The following CSMD1 variants were observed in gnomAD, a reference collection of about 807,000 sequenced individuals.
CSMD1 encodes CUB and sushi domain-containing protein 1.
A neutral mutation model predicts 417.5 loss-of-function variants in CSMD1; 213 were observed. The observed-to-expected ratio is 0.51, with a 90% CI of 0.46 to 0.57. CSMD1 has a LOEUF of 0.57. CSMD1 is among the 20% of genes least tolerant of loss of function. CSMD1 has a pLI of 0.00. For missense variants in CSMD1, 6,923 were observed against 4,529.7 expected, an observed-to-expected ratio of 1.53 and a Z score of -15.17; for synonymous variants, 2,862 against 1,736.8, an observed-to-expected ratio of 1.65 and a Z score of -16.11.
intron 3 of CSMD1, among the ~76,000 whole-genome samples, chr8:4,263,979 G>A (rs1804063968): frequency 6.6e-6 from 1 of 152,124 alleles, no homozygotes; most frequent in South Asian, 2.1e-4. Context: ...CATAGCCTCA[G>A]GAGACAACAT....
rs537827929 is a variant in CSMD1 at position 4,989,826 on chromosome 8, G to A, written c.85+4506C>T. Among the ~76,000 whole-genome samples the A allele has an allele frequency of 1.1e-4, 17 of 152,316 alleles. No homozygotes were observed. In the South Asian group the frequency reaches 1.9e-3, roughly 17 times the overall value. ...TGCTTATAAGCACGAACCAGCCACC[G>A]AGCTTTGTTTATCTGTTTCTTAAAG... On this transcript the variant is annotated intron_variant, in intron 1 of 69. Coordinates refer to ENST00000635120, the MANE Select transcript of CSMD1 (RefSeq NM_033225.6).
chr8:3,334,278 G>C (rs748351611), intron 23 of CSMD1, among the ~76,000 whole-genome samples: 6 of 152,156 alleles, frequency 3.9e-5, no homozygotes, highest in Non-Finnish European at 7.3e-5. Context: ...TTCACCTTCA[G>C]GTTTGTTTCC....
chr8:4,235,125 GA>G (rs1171105992), intron 3 of CSMD1, among the ~76,000 whole-genome samples: 1 of 151,934 alleles, frequency 6.6e-6, no homozygotes, highest in Non-Finnish European at 1.5e-5. Context: ...TTTAATCCTA[GA>G]AAAAAGACTT....
intron 5 of CSMD1, among the ~76,000 whole-genome samples, chr8:3,780,372 G>A (rs759230634): frequency 5.9e-5 from 9 of 152,308 alleles, no homozygotes; most frequent in Admixed American, 6.5e-5. Flanking sequence ...ACAATCAAGA[G>A]GCGGCCTGGT....
intron 1 of CSMD1, among the ~76,000 whole-genome samples, chr8:4,800,090 AT>A (rs1362204552): frequency 4.6e-5 from 7 of 152,300 alleles, no homozygotes; most frequent in Non-Finnish European, 7.4e-5. Flanking sequence ...TATCCTGTGT[AT>A]TTTTTATATA....
chr8:4,689,244 C>T (rs1052475579), intron 1 of CSMD1, among the ~76,000 whole-genome samples: 3 of 152,114 alleles, frequency 2.0e-5, no homozygotes, highest in Non-Finnish European at 4.4e-5. Flanking sequence ...TTAAACCAAG[C>T]GTAACAGTAT....
At chr8:3,949,930 G>A (rs1429061039) in intron 5 of CSMD1, 1 of 455,934 alleles carries the variant, frequency 2.2e-6, no homozygotes, top group Non-Finnish European at 4.4e-6. Context: ...GGCAGGACGT[G>A]AAAACACACA....
intron 37 of CSMD1, among the ~76,000 whole-genome samples, chr8:3,163,395 G>C (rs1236792334): frequency 2.0e-5 from 3 of 151,174 alleles, no homozygotes; most frequent in East Asian, 3.9e-4. Context: ...AGGTGAGTAG[G>C]ACTTTAGTTA....
chr8:4,388,997 T>A (rs944477983), intron 3 of CSMD1, among the ~76,000 whole-genome samples: 3 of 152,238 alleles, frequency 2.0e-5, no homozygotes, highest in South Asian at 2.1e-4. Flanking sequence ...TTCTTTGTAA[T>A]TGTTCAGGTG....
At chr8:4,499,655 T>C (rs1028210683) in intron 2 of CSMD1, among the ~76,000 whole-genome samples, 3 of 152,238 alleles carry the variant, frequency 2.0e-5, no homozygotes, top group African/African-American at 7.2e-5. Context: ...TGCGAGTAGG[T>C]ATGTTATAAA....
At chr8:4,657,088 T>A (rs1383521767) in intron 1 of CSMD1, among the ~76,000 whole-genome samples, 1 of 152,096 alleles carries the variant, frequency 6.6e-6, no homozygotes, top group African/African-American at 2.4e-5. Flanking sequence ...ACAGAAAAGC[T>A]AGGCACAGAT....
At chr8:3,945,178 CAA>C (rs138900503) in intron 5 of CSMD1, among the ~76,000 whole-genome samples, 49,637 of 118,908 alleles carry the variant, frequency 0.42, 8,021 homozygotes, top group Admixed American at 0.52. Flanking sequence ...ATGAGAAAGA[CAA>C]AAAAAAAAAA....
intron 5 of CSMD1, among the ~76,000 whole-genome samples, chr8:3,979,622 G>C (rs1013155019): frequency 6.6e-6 from 1 of 152,156 alleles, no homozygotes; most frequent in Admixed American, 6.6e-5. Context: ...ATAAAAAGAG[G>C]AAGAGATTCC....
chr8:4,238,323 A>G (rs1412135691), intron 3 of CSMD1, among the ~76,000 whole-genome samples: 3 of 152,188 alleles, frequency 2.0e-5, no homozygotes, highest in Non-Finnish European at 4.4e-5. Flanking sequence ...CCTCCTCAGC[A>G]TGTGCGCGAG....
chr8:3,753,482 T>G (rs1765318149), intron 6 of CSMD1, among the ~76,000 whole-genome samples: 1 of 152,216 alleles, frequency 6.6e-6, no homozygotes, highest in Non-Finnish European at 1.5e-5. Flanking sequence ...ATTCATTGTG[T>G]GTAAATTACT....
chr8:4,670,207 A>G (rs1805207984), intron 1 of CSMD1, among the ~76,000 whole-genome samples: 2 of 152,304 alleles, frequency 1.3e-5, no homozygotes, highest in South Asian at 4.1e-4. Flanking sequence ...TATTTCTGCT[A>G]TGCCTTCTCT....
At chr8:3,741,044 G>A (rs184878162) in intron 6 of CSMD1, among the ~76,000 whole-genome samples, 16 of 151,858 alleles carry the variant, frequency 1.1e-4, no homozygotes, top group Admixed American at 2.0e-4. Flanking sequence ...GTCAAACTCC[G>A]TCTCTACTAA....
chr8:4,223,395 A>C (rs993911512), intron 3 of CSMD1, among the ~76,000 whole-genome samples: 3 of 152,240 alleles, frequency 2.0e-5, no homozygotes, highest in African/African-American at 7.2e-5. Flanking sequence ...GCTGCCGCCA[A>C]GGTAAGCAGG....
At chr8:4,850,150 T>C (rs1361143357) in intron 1 of CSMD1, among the ~76,000 whole-genome samples, 2 of 152,150 alleles carry the variant, frequency 1.3e-5, no homozygotes, top group African/African-American at 4.8e-5. Context: ...AATCTCTTTA[T>C]GTGAATATTG....
Sources: gnomAD v4.1 joint callset for allele counts (sites outside exome capture counted in the v4.1 genomes callset) on GRCh38, gnomAD v4.1.1 for gene constraint, MANE v1.5 for transcripts, NCBI Gene and HGNC (gene_info 2026-07-23, HGNC 2026-07-21) for gene names.